ADAMTS12: variants seen among roughly 807,000 people sequenced by gnomAD.
ADAMTS12 encodes the protein A disintegrin and metalloproteinase with thrombospondin motifs 12.
A neutral mutation model predicts 167.8 loss-of-function variants in ADAMTS12; 118 were observed. That is an observed-to-expected ratio of 0.70 (90% CI 0.61 to 0.82). The LOEUF (loss-of-function observed/expected upper bound fraction) is 0.82, where lower values mean the gene tolerates loss of function less well. Among genes scored for constraint, ADAMTS12 ranks in the 40% least tolerant of loss-of-function variants. The pLI is 0.00. For missense variants in ADAMTS12, 1,916 were observed against 1,998.8 expected (o/e 0.96, Z 0.79); for synonymous variants, 704 against 716.9 (o/e 0.98, Z 0.29).
chr5:33,591,707 A>G (rs1747645575), intron 17 of ADAMTS12, among the ~76,000 whole-genome samples: 1 of 151,994 alleles, frequency 6.6e-6, no homozygotes, highest in Admixed American at 6.6e-5. Context: ...CAACGATCTT[A>G]TTCCTTTCAT....
rs558246932 is a variant in ADAMTS12 at position 33,891,280 on chromosome 5, G to A, written c.127+450C>T. Among the ~76,000 whole-genome samples the A allele has an allele frequency of 2.6e-5, 4 of 152,212 alleles. No individual in the cohort carries two copies. In the East Asian group the frequency reaches 7.7e-4, roughly 29 times the overall value. On this transcript the variant is annotated intron_variant, in intron 1 of 23. Coordinates refer to ENST00000504830, the MANE Select transcript of ADAMTS12 (RefSeq NM_030955.4). Reference sequence around the variant, plus strand: ...ACACAGCCAAGCCTGCTCAGTAGGGGGGAAGAATCACATTTCCCCTTTCCT... The same window carrying A: ...ACACAGCCAAGCCTGCTCAGTAGGGAGGAAGAATCACATTTCCCCTTTCCT...
chr5:33,625,655 G>T (rs1363629474), intron 13 of ADAMTS12, among the ~76,000 whole-genome samples: 1 of 152,194 alleles, frequency 6.6e-6, no homozygotes, highest in African/African-American at 2.4e-5. Context: ...TCTTGAATGG[G>T]TAGTTTTATA....
intron 2 of ADAMTS12, among the ~76,000 whole-genome samples, chr5:33,764,647 C>A (rs1278023375): frequency 1.3e-5 from 2 of 152,140 alleles, no homozygotes; most frequent in Non-Finnish European, 2.9e-5. Flanking sequence ...TAAGGCAAAA[C>A]TTCAGTCTAA....
intron 5 of ADAMTS12, among the ~76,000 whole-genome samples, chr5:33,682,110 C>T (rs572607170): frequency 2.2e-4 from 34 of 152,250 alleles, no homozygotes; most frequent in East Asian, 1.3e-3. Flanking sequence ...TATGATAAGG[C>T]CAAACCAATG....
At chr5:33,721,409 T>C (rs373287570) in intron 3 of ADAMTS12, among the ~76,000 whole-genome samples, 11 of 152,060 alleles carry the variant, frequency 7.2e-5, no homozygotes, top group South Asian at 4.2e-4. Flanking sequence ...AGTCAAACAA[T>C]TGGAATAGGT....
intron 2 of ADAMTS12, among the ~76,000 whole-genome samples, chr5:33,812,609 A>C (rs570726510): frequency 6.6e-6 from 1 of 152,330 alleles, no homozygotes; most frequent in South Asian, 2.1e-4. Context: ...CATGTAAATA[A>C]ATGGAATTAC....
intron 2 of ADAMTS12, among the ~76,000 whole-genome samples, chr5:33,808,192 C>T (rs979694916): frequency 3.9e-5 from 6 of 152,202 alleles, no homozygotes; most frequent in African/African-American, 1.4e-4. Flanking sequence ...TCTTTACATA[C>T]ACTAGTGCAG....
chr5:33,659,081 T>C (rs144014661), intron 6 of ADAMTS12, among the ~76,000 whole-genome samples: 1 of 152,322 alleles, frequency 6.6e-6, no homozygotes, highest in African/African-American at 2.4e-5. Flanking sequence ...CACAATGTTA[T>C]GAGCTCTAGT....
chr5:33,576,057 G>T lies in ADAMTS12; in HGVS notation c.3969C>A (p.Ser1323Arg), dbSNP rs371610056. The change falls in exon 19 of 24, where the codon AGC (serine) becomes AGA (arginine). Residue 1323 changes from serine (S) to arginine (R), a missense_variant. Ser to Arg is a moderately radical substitution (Grantham distance 110, BLOSUM62 -1). Coordinates refer to ENST00000504830, the MANE Select transcript of ADAMTS12 (RefSeq NM_030955.4). ...CCAGGGGTAGGAAATGTCTTACCTCGCTCCAGTTTCCGACGATCCAGTGTG... is the reference window on the plus strand; with the variant it reads ...CCAGGGGTAGGAAATGTCTTACCTCTCTCCAGTTTCCGACGATCCAGTGTG... ...GSAHWIVGNW[S>R]ECSTTCGLGA... The T allele has an allele frequency of 1.2e-5, 20 of 1,610,394 alleles. No homozygotes were observed. The highest frequency in any genetic ancestry group is 1.7e-5 in the Non-Finnish European group (20 of 1,177,672).
At chr5:33,760,939 A>G (rs932328300) in intron 2 of ADAMTS12, among the ~76,000 whole-genome samples, 7 of 151,692 alleles carry the variant, frequency 4.6e-5, no homozygotes, top group Admixed American at 3.3e-4. Flanking sequence ...GCTTCTAAGC[A>G]GCAATCCATA....
At chr5:33,819,157 T>C (rs1579962625) in intron 2 of ADAMTS12, among the ~76,000 whole-genome samples, 1 of 152,104 alleles carries the variant, frequency 6.6e-6, no homozygotes, top group Non-Finnish European at 1.5e-5. Context: ...AAAAAAGTCA[T>C]TGCCAAGGCC....
At position 33,861,568 on chromosome 5, in the gene ADAMTS12, C is replaced by T. The variant is rs184689928; in HGVS notation, c.489+19551G>A. ...CTACAAAGAGACTTAGACTCCCACA[C>T]GATAACATTGGGAGACTTTAACACC... On this transcript the variant is annotated intron_variant, in intron 2 of 23. Transcript: ENST00000504830. Among the ~76,000 whole-genome samples the T allele has an allele frequency of 6.5e-4, 99 of 152,272 alleles. 1 individual carries two copies. Among genetic ancestry groups the T allele is most frequent in the Admixed American group, 4.6e-4 (7 of 15,300 alleles).
At chr5:33,655,135 A>G (rs111453543) in intron 7 of ADAMTS12, among the ~76,000 whole-genome samples, 183 of 152,196 alleles carry the variant, frequency 1.2e-3, no homozygotes, top group Admixed American at 3.8e-3. Context: ...TCTATCTTCC[A>G]TGACTTATAA....
chr5:33,850,374 C>T (rs1351499165), intron 2 of ADAMTS12, among the ~76,000 whole-genome samples: 1 of 152,204 alleles, frequency 6.6e-6, no homozygotes, highest in Non-Finnish European at 1.5e-5. Context: ...TTCCCTTTCA[C>T]AAGAGAGTTC....
At chr5:33,649,816 A>G (rs1338903893) in intron 7 of ADAMTS12, 119 bp from the exon 8 acceptor site, 6 of 1,317,942 alleles carry the variant, frequency 4.6e-6, no homozygotes, top group African/African-American at 1.5e-5. Context: ...ACAGAAGGCA[A>G]CTGTTTGCAA....
intron 18 of ADAMTS12, among the ~76,000 whole-genome samples, chr5:33,583,106 T>C (rs928093930): frequency 1.4e-5 from 2 of 144,998 alleles, no homozygotes; most frequent in African/African-American, 5.0e-5. Flanking sequence ...TTTTTTTTTG[T>C]ACCCATTAAT....
intron 3 of ADAMTS12, among the ~76,000 whole-genome samples, chr5:33,722,490 T>G (rs1561235081): frequency 6.6e-6 from 1 of 152,238 alleles, no homozygotes; most frequent in Non-Finnish European, 1.5e-5. Flanking sequence ...TTAGGTGATC[T>G]GTCTAAAATC....
chr5:33,710,066 T>C (rs1743338803), intron 3 of ADAMTS12, among the ~76,000 whole-genome samples: 1 of 151,986 alleles, frequency 6.6e-6, no homozygotes, highest in African/African-American at 2.4e-5. Flanking sequence ...TTTAAAATTG[T>C]GTGTCTTAGT....
intron 2 of ADAMTS12, among the ~76,000 whole-genome samples, chr5:33,850,329 A>G (rs1749175965): frequency 6.6e-6 from 1 of 152,172 alleles, no homozygotes; most frequent in Admixed American, 6.5e-5. Flanking sequence ...ACCTCAGGGG[A>G]AGCTGGCCAC....
Sources: allele counts gnomAD v4.1 joint callset (sites outside exome capture counted in the v4.1 genomes callset), GRCh38; gene constraint gnomAD v4.1.1; transcripts MANE v1.5; gene names NCBI Gene and HGNC (gene_info 2026-07-23, HGNC 2026-07-21).